RAD23B: variants seen among roughly 807,000 people sequenced by gnomAD.
RAD23B encodes the protein RAD23 nucleotide excision repair protein B.
In RAD23B, 5 loss-of-function variants were observed where a neutral mutation model predicts 49.1. The ratio of observed to expected loss-of-function variants is 0.10; its 90% CI spans 0.05 to 0.21. RAD23B has a LOEUF of 0.21. Among genes scored for constraint, RAD23B ranks in the 10% least tolerant of loss-of-function variants. The pLI is 1.00. For missense variants in RAD23B, 356 were observed against 486.7 expected (o/e 0.73, Z 2.53); for synonymous variants, 184 against 165.4 (o/e 1.11, Z -0.86).
At chr9:107,299,352 T>C (rs1826600551) in intron 1 of RAD23B, among the ~76,000 whole-genome samples, 1 of 152,246 alleles carries the variant, frequency 6.6e-6, no homozygotes, top group African/African-American at 2.4e-5. Flanking sequence ...AAGCCATCTC[T>C]GCCTTTTTTA....
intron 1 of RAD23B, chr9:107,283,950 C>T (rs1332027397): frequency 1.1e-5 from 12 of 1,116,908 alleles, no homozygotes; most frequent in Non-Finnish European, 1.3e-5. Context: ...GAGCGCACGC[C>T]CGCGGGCCTG....
At chr9:107,322,244 C>T in intron 7 of RAD23B, 126 bp downstream of exon 7, 2 of 1,190,762 alleles carry the variant, frequency 1.7e-6, no homozygotes, top group Non-Finnish European at 2.3e-6. Context: ...TAAGTTCTCT[C>T]TTCACTAATG....
chr9:107,288,342 CAAAA>C (rs1180119195), intron 1 of RAD23B, among the ~76,000 whole-genome samples: 2 of 152,088 alleles, frequency 1.3e-5, no homozygotes, highest in African/African-American at 2.4e-5. Flanking sequence ...ATAAAACTGT[CAAAA>C]AATACATTTT....
chr9:107,298,474 ATTTTTTTT>A lies in RAD23B; in HGVS notation c.67-1646_67-1639del, dbSNP rs35923233. 1.5e-4 allele frequency among the ~76,000 whole-genome samples: 8 copies of A among 53,112 alleles called. No homozygotes were observed. In the East Asian group the frequency reaches 3.6e-3, roughly 24 times the overall value. The allele number at this position is 53,112 out of a possible 152,430, so 34.8% of individuals were successfully genotyped here. A position where few individuals can be genotyped will look rare whatever the true frequency, so the allele number is the denominator to read the frequency against. The stretch of plus-strand genomic sequence containing the variant: ...AGGCATTTACCGCCATGCTTGGCTA[ATTTTTTTT>A]TTTTTTTTTTTTTTTTTTTTGCATT... On this transcript the variant is annotated intron_variant, in intron 1 of 9. Coordinates refer to ENST00000358015, the MANE Select transcript of RAD23B (RefSeq NM_002874.5).
intron 1 of RAD23B, among the ~76,000 whole-genome samples, chr9:107,289,658 T>C (rs1833344618): frequency 6.6e-6 from 1 of 152,164 alleles, no homozygotes; most frequent in South Asian, 2.1e-4. Flanking sequence ...AGGATATGTT[T>C]TGAGAGGTAC....
chr9:107,323,842 GT>G (rs1293614714), intron 7 of RAD23B, 47 bp from the exon 8 acceptor site: 1 of 1,512,008 alleles, frequency 6.6e-7, no homozygotes, highest in Admixed American at 1.7e-5. Flanking sequence ...ACCACTGTTT[GT>G]GTATGTATTT....
intron 1 of RAD23B, among the ~76,000 whole-genome samples, chr9:107,299,242 A>G (rs1198435247): frequency 1.3e-5 from 2 of 152,210 alleles, no homozygotes; most frequent in Non-Finnish European, 2.9e-5. Context: ...AAAACTCAAG[A>G]GAACTGTCAA....
chr9:107,306,676 C>T (rs1826783961), intron 4 of RAD23B, 29 bp downstream of exon 4: 1 of 1,587,110 alleles, frequency 6.3e-7, no homozygotes. Context: ...GACATTCTAT[C>T]TCAAAATCCG....
intron 1 of RAD23B, among the ~76,000 whole-genome samples, chr9:107,295,744 T>C (rs1023631971): frequency 2.0e-5 from 3 of 152,194 alleles, no homozygotes; most frequent in Non-Finnish European, 2.9e-5. Context: ...ATAGGCAGTC[T>C]CTTAGGTAAA....
intron 4 of RAD23B, among the ~76,000 whole-genome samples, chr9:107,309,775 C>T (rs1826851942): frequency 6.6e-6 from 1 of 151,720 alleles, no homozygotes; most frequent in African/African-American, 2.4e-5. Context: ...ACTAAAAATA[C>T]AAAAAATTAG....
Position 107,322,112 on chromosome 9 carries a change from T to G in RAD23B, c.811T>G (p.Ser271Ala). ...GACAGCAACAACTACAACAACAAGT[T>G]CTGGAGGTAAAGCGGAATCTTCTGG... ...TTTATTTTTS[S>A]GGHPLEFLRN... The change falls in exon 7 of 10, where the codon TCT (serine) becomes GCT (alanine). Residue 271 changes from serine (S) to alanine (A), a missense_variant. This residue lies in a region of RAD23B where 148 missense variants were observed against 231.7 expected (regional missense o/e 0.64). Coordinates refer to ENST00000358015, the MANE Select transcript of RAD23B (RefSeq NM_002874.5). 1 of 1,601,446 alleles carries G rather than the reference T, an allele frequency of 6.2e-7. No homozygotes were observed. The highest frequency in any genetic ancestry group is 8.5e-7 in the Non-Finnish European group (1 of 1,174,220).
At chr9:107,295,592 G>T (rs962973799) in intron 1 of RAD23B, among the ~76,000 whole-genome samples, 13 of 152,204 alleles carry the variant, frequency 8.5e-5, no homozygotes, top group Admixed American at 1.3e-4. Context: ...GACAGTACGA[G>T]AGGATGCTGT....
At chr9:107,284,078 G>T in intron 1 of RAD23B, 1 of 1,011,262 alleles carries the variant, frequency 9.9e-7, no homozygotes, top group Non-Finnish European at 1.2e-6. Flanking sequence ...CGTAGGCGTC[G>T]CCACTACCCC....
chr9:107,319,888 T>A (rs556429281), intron 6 of RAD23B, among the ~76,000 whole-genome samples: 68 of 152,362 alleles, frequency 4.5e-4, no homozygotes, highest in African/African-American at 1.6e-3. Flanking sequence ...TTAAGTTTTT[T>A]AAAATCTCAG....
At chr9:107,292,418 T>C (rs2147071) in intron 1 of RAD23B, among the ~76,000 whole-genome samples, 113,232 of 152,130 alleles carry the variant, frequency 0.74, 43,118 homozygotes, top group African/African-American at 0.92. Context: ...CCGTGGCTTA[T>C]GCCTGTAATC....
intron 6 of RAD23B, 130 bp downstream of exon 6, chr9:107,319,009 T>C: frequency 1.2e-6 from 1 of 848,372 alleles, no homozygotes; most frequent in East Asian, 3.2e-5. Context: ...TTTTTTTTTC[T>C]AGTATGTTTG....
chr9:107,288,737 A>C (rs1047516275), intron 1 of RAD23B, among the ~76,000 whole-genome samples: 2 of 152,162 alleles, frequency 1.3e-5, no homozygotes, highest in Non-Finnish European at 2.9e-5. Flanking sequence ...CTTTCTGAAT[A>C]AGGTGACATT....
At chr9:107,305,554 G>T (rs1223252293) in intron 3 of RAD23B, among the ~76,000 whole-genome samples, 1 of 152,006 alleles carries the variant, frequency 6.6e-6, no homozygotes, top group East Asian at 1.9e-4. Flanking sequence ...GTTGTTCAAG[G>T]GTCAACTAAT....
intron 2 of RAD23B, among the ~76,000 whole-genome samples, chr9:107,301,544 G>C (rs1223064367): frequency 6.6e-6 from 1 of 151,926 alleles, no homozygotes; most frequent in Admixed American, 6.6e-5. Context: ...ATGCTTTTTA[G>C]TTTTATTTGT....
Sources: gnomAD v4.1 joint callset for allele counts (sites outside exome capture counted in the v4.1 genomes callset) on GRCh38, gnomAD v4.1.1 for gene constraint, gnomAD v4.1.1 regional missense constraint, MANE v1.5 for transcripts, NCBI Gene and HGNC (gene_info 2026-07-23, HGNC 2026-07-21) for gene names.